GLIS1: variants seen among roughly 807,000 people sequenced by gnomAD.
The protein encoded by GLIS1 is GLIS family zinc finger 1, also known as zinc finger protein GLIS1.
In GLIS1, 24 loss-of-function variants were observed where a neutral mutation model predicts 63.8. That is an observed-to-expected ratio of 0.38 (90% confidence interval 0.27 to 0.53). The LOEUF (loss-of-function observed/expected upper bound fraction) is 0.53, where lower values mean the gene tolerates loss of function less well. Ranked by LOEUF, GLIS1 falls within the 20% of genes least tolerant of loss-of-function variation. The probability of loss-of-function intolerance (pLI) is 0.85; values close to 1 mark genes in which losing one functional copy is unlikely to be tolerated. For missense variants in GLIS1, 1,036 were observed against 1,074.1 expected (o/e 0.96, Z 0.50); for synonymous variants, 450 against 482.5 (o/e 0.93, Z 0.88).
intron 4 of GLIS1, among the ~76,000 whole-genome samples, chr1:53,591,158 T>C (rs760161836): frequency 2.6e-5 from 4 of 152,216 alleles, no homozygotes; most frequent in African/African-American, 9.6e-5. Flanking sequence ...TTACAGTGCA[T>C]GGTAGCAGAG....
intron 2 of GLIS1, among the ~76,000 whole-genome samples, chr1:53,704,225 G>C (rs1033552965): frequency 2.0e-5 from 3 of 152,240 alleles, no homozygotes; most frequent in Non-Finnish European, 2.9e-5. Context: ...CAGGACCACC[G>C]TGTCAAACAG....
chr1:53,604,072 G>A (rs1163046004), intron 2 of GLIS1, among the ~76,000 whole-genome samples: 1 of 152,232 alleles, frequency 6.6e-6, no homozygotes. Context: ...ACAACGTTGA[G>A]GTGACAAATG....
At chr1:53,571,423 G>A (rs931885316) in intron 4 of GLIS1, among the ~76,000 whole-genome samples, 1 of 152,120 alleles carries the variant, frequency 6.6e-6, no homozygotes, top group Non-Finnish European at 1.5e-5. Context: ...ACATGAACAA[G>A]AATATTCACA....
chr1:53,673,781 A>G (rs1003367378), intron 2 of GLIS1, among the ~76,000 whole-genome samples: 3 of 152,248 alleles, frequency 2.0e-5, no homozygotes, highest in African/African-American at 7.2e-5. Context: ...CCTAATGCTA[A>G]GCACAATGCC....
chr1:53,656,646 G>A (rs1385905154), intron 2 of GLIS1, among the ~76,000 whole-genome samples: 1 of 152,224 alleles, frequency 6.6e-6, no homozygotes, highest in Non-Finnish European at 1.5e-5. Flanking sequence ...CAGATTTATT[G>A]GACTTCTGTA....
In GLIS1 at chr1:53,609,862, A is replaced by G. The variant is rs148926863; in HGVS notation, c.260-9584T>C. ...CATGATCACACCTAGGCTATCTGGT[A>G]TAGCCTATTGCTCCTGTGCTACAAA... is the stretch of plus-strand genomic sequence containing the variant. On this transcript the variant is annotated intron_variant, in intron 2 of 10. Transcript: ENST00000628545. Among the ~76,000 whole-genome samples the G allele has an allele frequency of 1.5e-3, 233 of 152,364 alleles. 1 individual carries two copies. The highest frequency in any genetic ancestry group is 5.0e-3 in the African/African-American group (210 of 41,588).
chr1:53,702,820 C>T (rs1646538175), intron 2 of GLIS1, among the ~76,000 whole-genome samples: 1 of 152,256 alleles, frequency 6.6e-6, no homozygotes, highest in Non-Finnish European at 1.5e-5. Context: ...CTAACACCCA[C>T]CCATAGGCCT....
chr1:53,612,521 T>C (rs1312056234), intron 2 of GLIS1, among the ~76,000 whole-genome samples: 1 of 152,132 alleles, frequency 6.6e-6, no homozygotes, highest in African/African-American at 2.4e-5. Flanking sequence ...ACTACAGGTG[T>C]GAGCCACCGC....
chr1:53,600,220 G>A lies in GLIS1; in HGVS notation c.318C>T (p.Asp106=). Residue 106 remains aspartate, a synonymous_variant, in exon 3 of 11, where the codon GAC becomes GAT. Transcript: ENST00000628545. ...PGSEKSLLDL[D]LAEGPGPTCC... is the part of the protein sequence containing the mutation. ...AGGTGGGGCCAGGGCCCTCAGCAAG[G>A]TCCAGGTCCAGCAGGCTCTTCTCTG... 8.1e-7 allele frequency: 1 copy of A among 1,232,128 alleles called. No homozygotes were observed. The highest frequency in any genetic ancestry group is 1.0e-6 in the Non-Finnish European group (1 of 987,928). The allele number at this position is 1,232,128 out of a possible 1,614,324, so 76.3% of individuals were successfully genotyped here. A position where few individuals can be genotyped will look rare whatever the true frequency, so the allele number is the denominator to read the frequency against.
At chr1:53,687,431 C>G (rs1646349529) in intron 2 of GLIS1, among the ~76,000 whole-genome samples, 1 of 152,188 alleles carries the variant, frequency 6.6e-6, no homozygotes, top group African/African-American at 2.4e-5. Context: ...CCCGGTCCAA[C>G]CAGCCCGCCC....
intron 2 of GLIS1, among the ~76,000 whole-genome samples, chr1:53,661,382 C>G (rs374988600): frequency 6.6e-6 from 1 of 152,118 alleles, no homozygotes; most frequent in Non-Finnish European, 1.5e-5. Flanking sequence ...GCCCATCACA[C>G]GGCTTATTTG....
intron 4 of GLIS1, among the ~76,000 whole-genome samples, chr1:53,547,659 A>G (rs1378609870): frequency 2.0e-5 from 3 of 152,242 alleles, no homozygotes; most frequent in Admixed American, 6.5e-5. Context: ...GCGAAGGCCA[A>G]CGCAGTGGGT....
chr1:53,589,288 G>A lies in GLIS1; in HGVS notation c.1320+4820C>T, dbSNP rs572414836. ...GCCCAGCTAGGAGGTCAAAACAACA[G>A]ATAGGGAATGGCTTGCATTGAGCCA... On this transcript the variant is annotated intron_variant, in intron 4 of 10. Transcript: ENST00000628545. 5.3e-5 allele frequency among the ~76,000 whole-genome samples: 8 copies of A among 152,320 alleles called. No homozygotes were observed. In the South Asian group the frequency reaches 6.2e-4, roughly 12 times the overall value.
intron 2 of GLIS1, among the ~76,000 whole-genome samples, chr1:53,606,784 G>A (rs1045980299): frequency 1.3e-5 from 2 of 152,242 alleles, no homozygotes; most frequent in Non-Finnish European, 2.9e-5. Flanking sequence ...CAGGCCTGAC[G>A]CTCGCGGCCT....
intron 2 of GLIS1, among the ~76,000 whole-genome samples, chr1:53,729,108 C>T (rs923510885): frequency 2.0e-5 from 3 of 152,206 alleles, no homozygotes; most frequent in Non-Finnish European, 2.9e-5. Flanking sequence ...GATGCTGTCA[C>T]GTGGACAGTG....
chr1:53,629,913 C>T (rs148099593), intron 2 of GLIS1, among the ~76,000 whole-genome samples: 18 of 152,310 alleles, frequency 1.2e-4, no homozygotes, highest in Non-Finnish European at 1.9e-4. Flanking sequence ...ATTTTCCTTT[C>T]TGAGAGATAT....
At chr1:53,617,873 C>T (rs1384449291) in intron 2 of GLIS1, among the ~76,000 whole-genome samples, 1 of 152,152 alleles carries the variant, frequency 6.6e-6, no homozygotes, top group African/African-American at 2.4e-5. Context: ...GCAAGGTCTC[C>T]CCCAAGGTCA....
In GLIS1 at chr1:53,526,658, C is replaced by T. The variant is rs1335880726; in HGVS notation, c.1483-1771G>A. On this transcript the variant is annotated intron_variant, in intron 5 of 10. Coordinates refer to ENST00000628545, the MANE Select transcript of GLIS1 (RefSeq NM_001367484.1). The surrounding 1 kb of genome is among the most constrained non-coding windows in gnomAD (Gnocchi z 4.4). ...GCACACACACGGCCCTGCCCTGTCC[C>T]TGAGCCGGCCCCAGGACTGTCCCTT... is the stretch of plus-strand genomic sequence containing the variant. Among the ~76,000 whole-genome samples the T allele has an allele frequency of 1.3e-5, 2 of 152,272 alleles. No individual in the cohort carries two copies. Among genetic ancestry groups the T allele is most frequent in the African/African-American group, 4.8e-5 (2 of 41,468 alleles).
rs796469595 is a variant in GLIS1, at chr1:53,539,244, TCA to T, written c.1321-9294_1321-9293del. On this transcript the variant is annotated intron_variant, in intron 4 of 10. Coordinates refer to ENST00000628545, the MANE Select transcript of GLIS1 (RefSeq NM_001367484.1). This position sits in a 1 kb window ranked among gnomAD's most constrained non-coding sequence, Gnocchi z 5.0. Reference sequence around the variant, plus strand: ...CACACACCAACACACACACATGGATTCACACACACACACACACCAAGACCCAG... The same window carrying T: ...CACACACCAACACACACACATGGATTCACACACACACACACCAAGACCCAG... 2.8e-3 allele frequency among the ~76,000 whole-genome samples: 306 copies of T among 109,150 alleles called. 1 individual carries two copies. The highest frequency in any genetic ancestry group is 8.6e-3 in the African/African-American group (297 of 34,408). The allele number at this position is 109,150 out of a possible 152,430, so 71.6% of individuals were successfully genotyped here.
Sources: allele counts gnomAD v4.1 joint callset (sites outside exome capture counted in the v4.1 genomes callset), GRCh38; gene constraint gnomAD v4.1.1; non-coding constraint Gnocchi (gnomAD v3.1); transcripts MANE v1.5; gene names NCBI Gene and HGNC (gene_info 2026-07-23, HGNC 2026-07-21).